Variants in CPSF1 observed in about 807,000 individuals in gnomAD.
CPSF1 encodes the protein cleavage and polyadenylation specific factor 1, also known as cleavage and polyadenylation specificity factor subunit 1.
CPSF1 carries 106 observed loss-of-function variants against 175.8 expected under a neutral mutation model. The ratio of observed to expected loss-of-function variants is 0.60; its 90% CI spans 0.52 to 0.71. The LOEUF (loss-of-function observed/expected upper bound fraction) is 0.71, where lower values mean the gene tolerates loss of function less well. CPSF1 is among the 30% of genes least tolerant of loss of function. The pLI, the probability that CPSF1 is intolerant of heterozygous loss-of-function variation, is 0.00. For missense variants in CPSF1, 1,734 were observed against 2,022.9 expected (o/e 0.86, Z 2.74); for synonymous variants, 1,024 against 858.3 (o/e 1.19, Z -3.37).
chr8:144,406,875 G>A (rs1287645006), intron 2 of CPSF1, among the ~76,000 whole-genome samples: 1 of 152,172 alleles, frequency 6.6e-6, no homozygotes, highest in African/African-American at 2.4e-5. Flanking sequence ...ACCAGGGTTG[G>A]TAGATATGAC....
Position 144,393,295 on chromosome 8 carries a change from T to A in CPSF1, c.*23A>T. On this transcript the variant is annotated 3_prime_UTR_variant, in exon 38 of 38. Transcript: ENST00000616140. ...GGGGGTGGGAGGTAGTTCCGTGTGC[T>A]GGTGGTGACGGCATCCACGGGGCTA... The A allele has an allele frequency of 6.7e-7, 1 of 1,482,508 alleles. No individual in the cohort carries two copies. The highest frequency in any genetic ancestry group is 1.4e-5 in the African/African-American group (1 of 71,398). The allele number at this position is 1,482,508 out of a possible 1,614,324, so 91.8% of individuals were successfully genotyped here.
chr8:144,401,477 C>A lies in CPSF1; in HGVS notation c.259G>T (p.Ala87Ser), dbSNP rs2116884745. 1.4e-5 allele frequency: 23 copies of A among 1,613,908 alleles called. No individual in the cohort carries two copies. In the South Asian group the frequency reaches 2.5e-4, roughly 18 times the overall value. ...NVMSMASVQL[A>S]GAKRDALLLS... is the part of the protein sequence containing the mutation. ...AGCAGGGCATCCCGCTTGGCTCCTGCCAGCTGCACGCTGGCCATGGACATG... is the reference window on the plus strand; with the variant it reads ...AGCAGGGCATCCCGCTTGGCTCCTGACAGCTGCACGCTGGCCATGGACATG... The change falls in exon 4 of 38, where the codon GCA (alanine) becomes TCA (serine). Residue 87 changes from alanine to serine, a missense_variant. Physicochemically the swap from Ala to Ser is moderately conservative, Grantham distance 99. Coordinates refer to ENST00000616140, the MANE Select transcript of CPSF1 (RefSeq NM_013291.3).
chr8:144,396,014 C>A, intron 26 of CPSF1: 1 of 419,042 alleles, frequency 2.4e-6, no homozygotes, highest in Non-Finnish European at 4.4e-6. Context: ...TGTGCCCTCC[C>A]AAAGTCACAG....
Position 144,399,263 on chromosome 8 carries a change from G to A in CPSF1, c.1392+13C>T. On this transcript the variant is annotated intron_variant, in intron 14 of 37. Transcript: ENST00000616140. The surrounding 1 kb of genome is among the most constrained non-coding windows in gnomAD (Gnocchi z 6.4). ...CGCTGGCTGGGACGGGGGCCCTGCTGCCTCAATCTCACCTCAAAGGAGTAG... is the reference window on the plus strand; with the variant it reads ...CGCTGGCTGGGACGGGGGCCCTGCTACCTCAATCTCACCTCAAAGGAGTAG... The A allele has an allele frequency of 6.2e-7, 1 of 1,612,330 alleles. No individual in the cohort carries two copies. Among genetic ancestry groups the A allele is most frequent in the Non-Finnish European group, 8.5e-7 (1 of 1,179,850 alleles).
chr8:144,406,354 C>T (rs2116905026), intron 2 of CPSF1, among the ~76,000 whole-genome samples: 6 of 152,310 alleles, frequency 3.9e-5, no homozygotes, highest in African/African-American at 1.4e-4. Context: ...CTGTCAGTCA[C>T]CAGGCATCAC....
chr8:144,400,619 C>G (rs1169435535), intron 7 of CPSF1, 52 bp downstream of exon 7: 3 of 1,593,996 alleles, frequency 1.9e-6, no homozygotes, highest in Non-Finnish European at 2.6e-6. Context: ...CCACCCCAGG[C>G]AGAGGCAGCT....
At chr8:144,408,802 C>T (rs2116911839) in intron 2 of CPSF1, among the ~76,000 whole-genome samples, 10 of 152,358 alleles carry the variant, frequency 6.6e-5, no homozygotes, top group Admixed American at 1.3e-4. Flanking sequence ...GCGCGCCCTT[C>T]CCGGTGGGGT....
chr8:144,406,449 CT>C (rs1554869111), intron 2 of CPSF1, among the ~76,000 whole-genome samples: 2 of 152,228 alleles, frequency 1.3e-5, no homozygotes, highest in African/African-American at 2.4e-5. Context: ...AGCTTTCCCC[CT>C]GCCTTCCAGG....
intron 2 of CPSF1, among the ~76,000 whole-genome samples, chr8:144,403,677 C>G (rs1292635543): frequency 1.3e-5 from 2 of 151,536 alleles, no homozygotes; most frequent in African/African-American, 4.8e-5. Context: ...CTCAGCCTCC[C>G]AAGTAGCTGG....
intron 2 of CPSF1, among the ~76,000 whole-genome samples, chr8:144,402,699 G>A (rs2116892437): frequency 1.3e-5 from 2 of 152,206 alleles, no homozygotes; most frequent in South Asian, 2.1e-4. Flanking sequence ...ATCTCACAGC[G>A]ACAAGGGCAA....
Position 144,395,128 on chromosome 8 carries a change from G to T in CPSF1, c.3242C>A (p.Pro1081Gln). 6.2e-7 allele frequency: 1 copy of T among 1,612,152 alleles called. No homozygotes were observed. The highest frequency in any genetic ancestry group is 8.5e-7 in the Non-Finnish European group (1 of 1,179,338). ...QEAFSIQLIS[P>Q]VSWEAIPNAR... ...ATTGGGAATAGCCTCCCAGCTGACC[G>T]GGGAGATGAGCTGGATGGAGAAGGC... Residue 1081 changes from proline (P) to glutamine (Q), a missense_variant, in exon 29 of 38, where the codon CCG becomes CAG. Pro to Gln is a moderately conservative substitution (Grantham distance 76). This residue lies in a region of CPSF1 where 585 missense variants were observed against 584.7 expected (regional missense o/e 1.00). Coordinates refer to ENST00000616140, the MANE Select transcript of CPSF1 (RefSeq NM_013291.3).
intron 2 of CPSF1, among the ~76,000 whole-genome samples, chr8:144,402,167 T>G (rs1048903925): frequency 1.3e-5 from 2 of 152,076 alleles, no homozygotes; most frequent in African/African-American, 4.8e-5. Context: ...CCTCTCTATC[T>G]CCTCCCTTTT....
intron 2 of CPSF1, among the ~76,000 whole-genome samples, chr8:144,403,813 G>A (rs1407518941): frequency 6.6e-6 from 1 of 151,662 alleles, no homozygotes; most frequent in Non-Finnish European, 1.5e-5. Flanking sequence ...GCCTCCCAAA[G>A]TGCAAGGATT....
chr8:144,402,905 G>C (rs1821296373), intron 2 of CPSF1, among the ~76,000 whole-genome samples: 1 of 152,162 alleles, frequency 6.6e-6, no homozygotes, highest in African/African-American at 2.4e-5. Context: ...GTGACAAGCA[G>C]GGGTATTGTA....
chr8:144,400,535 CAG>C, intron 7 of CPSF1, 42 bp from the exon 8 acceptor site: 1 of 1,610,326 alleles, frequency 6.2e-7, no homozygotes, highest in Non-Finnish European at 8.5e-7. Context: ...TGCCTCCCCG[CAG>C]AGACCCAGGC....
rs2116885470 is a variant in CPSF1 at position 144,401,538 on chromosome 8, G to C, written c.198C>G (p.Leu66=). Residue 66 remains leucine, a synonymous_variant, in exon 4 of 38, where the codon CTC becomes CTG. Transcript: ENST00000616140. ...STEGKAHREK[L]ELAASFSFFG... is the part of the protein sequence containing the mutation. ...AGAAGGAGAAGGAGGCAGCAAGCTC[G>C]AGCTTCTCCCGGTGGGCCTTCCCCT... 5.6e-6 allele frequency: 9 copies of C among 1,613,852 alleles called. No homozygotes were observed. In the South Asian group the frequency reaches 9.9e-5, roughly 18 times the overall value.
Position 144,400,286 on chromosome 8 carries a change from GAC to G in CPSF1, c.827-12_827-11del. 1 of 1,607,728 alleles carries G rather than the reference GAC, an allele frequency of 6.2e-7. No homozygotes were observed. The highest frequency in any genetic ancestry group is 8.5e-7 in the Non-Finnish European group (1 of 1,175,306). ...AACACCACCACCCCACCTGGAGGTGGACACAGGCTGGTGGGCAGGCTCAGTGC... is the reference window on the plus strand; with the variant it reads ...AACACCACCACCCCACCTGGAGGTGGACAGGCTGGTGGGCAGGCTCAGTGC... On this transcript the variant is annotated splice_polypyrimidine_tract_variant and intron_variant, in intron 8 of 37. Coordinates refer to ENST00000616140, the MANE Select transcript of CPSF1 (RefSeq NM_013291.3).
chr8:144,397,539 C>A lies in CPSF1; in HGVS notation c.2333G>T (p.Arg778Leu). Reference protein sequence around the residue: ...PPADRDPAPFRAEPTHWCLLV... With the variant: ...PPADRDPAPFLAEPTHWCLLV... ...CAGGCACCAGTGGGTAGGCTCTGCC[C>A]GGAAGGGTGCAGGGTCCCGGTCAGC... The change falls in exon 22 of 38, where the codon CGG becomes CTG. Residue 778 changes from arginine to leucine, a missense_variant. Arg to Leu is a moderately radical substitution (Grantham distance 102). Transcript: ENST00000616140. 6.4e-7 allele frequency: 1 copy of A among 1,570,366 alleles called. No homozygotes were observed. The highest frequency in any genetic ancestry group is 8.7e-7 in the Non-Finnish European group (1 of 1,152,736).
chr8:144,393,847 C>T, intron 35 of CPSF1, 36 bp downstream of exon 35: 1 of 1,600,076 alleles, frequency 6.2e-7, no homozygotes. Flanking sequence ...AACCCTAGGG[C>T]CCCCCACCCA....
Sources: gnomAD v4.1 joint callset for allele counts (sites outside exome capture counted in the v4.1 genomes callset) on GRCh38, gnomAD v4.1.1 for gene constraint, gnomAD v4.1.1 regional missense constraint, Gnocchi (gnomAD v3.1) non-coding constraint, MANE v1.5 for transcripts, NCBI Gene and HGNC (gene_info 2026-07-23, HGNC 2026-07-21) for gene names.